The following CCDC7 variants were observed in gnomAD, a reference collection of about 807,000 sequenced individuals.
The protein encoded by CCDC7 is coiled-coil domain containing 7.
CCDC7 carries 183 observed loss-of-function variants against 196.9 expected under a neutral mutation model. The observed-to-expected ratio is 0.93, with a 90% CI of 0.82 to 1.05. The LOEUF is 1.05. Among genes scored for constraint, CCDC7 ranks in the 50% least tolerant of loss-of-function variants. The probability of loss-of-function intolerance (pLI) is 0.00; values close to 1 mark genes in which losing one functional copy is unlikely to be tolerated. For synonymous variants in CCDC7, 525 were observed against 484.6 expected (o/e 1.08, Z -1.10); for missense variants, 1,540 against 1,482.2 (o/e 1.04, Z -0.64).
chr10:32,871,694 G>A (rs186531090), intron 41 of CCDC7, among the ~76,000 whole-genome samples: 1 of 151,946 alleles, frequency 6.6e-6, no homozygotes. Context: ...TGTGATGTTA[G>A]GGTGTCCATT....
Position 32,644,673 on chromosome 10 carries a change from G to T in CCDC7, c.2014+9515G>T, listed in dbSNP as rs376142500. 6.6e-5 allele frequency among the ~76,000 whole-genome samples: 10 copies of T among 152,254 alleles called. No homozygotes were observed. In the East Asian group the frequency reaches 1.7e-3, roughly 26 times the overall value. On this transcript the variant is annotated intron_variant, in intron 20 of 41. Transcript: ENST00000639629. ...CGAGGGCGATTTCCCCCATACTGCT[G>T]CTAGTGAATAAGTCTCATGAGCTCT... is the stretch of plus-strand genomic sequence containing the variant.
rs2083800308 is a variant in CCDC7, at chr10:32,730,604, A to G, written c.2905+1147A>G. ...TTAATACCCATGTATATAAAAATTAACAGAACAGCTTTTATATGCACAAGT... is the reference window on the plus strand; with the variant it reads ...TTAATACCCATGTATATAAAAATTAGCAGAACAGCTTTTATATGCACAAGT... On this transcript the variant is annotated intron_variant, in intron 28 of 41. Transcript: ENST00000639629. 2.0e-5 allele frequency among the ~76,000 whole-genome samples: 3 copies of G among 152,118 alleles called. No homozygotes were observed. In the East Asian group the frequency reaches 5.8e-4, roughly 29 times the overall value.
intron 33 of CCDC7, among the ~76,000 whole-genome samples, chr10:32,841,267 A>G (rs2092953736): frequency 6.6e-6 from 1 of 152,164 alleles, no homozygotes; most frequent in Middle Eastern, 3.4e-3. Flanking sequence ...CTCATCCAAA[A>G]AGCTCCCAGA....
intron 28 of CCDC7, among the ~76,000 whole-genome samples, chr10:32,743,839 G>A (rs536476110): frequency 4.4e-4 from 67 of 152,008 alleles, no homozygotes; most frequent in African/African-American, 1.6e-3. Flanking sequence ...TCCTTTGTAG[G>A]GACATGGATG....
At chr10:32,666,217 A>G (rs2072673292) in intron 21 of CCDC7, among the ~76,000 whole-genome samples, 2 of 150,212 alleles carry the variant, frequency 1.3e-5, no homozygotes, top group African/African-American at 4.9e-5. Flanking sequence ...CCTTTGATTT[A>G]CACTGAGACC....
At chr10:32,668,903 A>G (rs1205814498) in intron 21 of CCDC7, among the ~76,000 whole-genome samples, 4 of 151,918 alleles carry the variant, frequency 2.6e-5, no homozygotes, top group Non-Finnish European at 1.5e-5. Flanking sequence ...TTCTTTCATA[A>G]TTTATTTGCC....
At position 32,535,752 on chromosome 10, in the gene CCDC7, T is replaced by A. The variant is rs976448178; in HGVS notation, c.994-7548T>A. ...GGACTCTCAGCTAATCTCTTCAAGG[T>A]TGGGAGGAAAGGGGAAAGATATTAC... On this transcript the variant is annotated intron_variant, in intron 11 of 41. Transcript: ENST00000639629. Among the ~76,000 whole-genome samples, 3 of 152,092 alleles carry A rather than the reference T, an allele frequency of 2.0e-5. No homozygotes were observed. In the South Asian group the frequency reaches 6.2e-4, roughly 31 times the overall value.
At chr10:32,729,132 A>G (rs929103824) in intron 27 of CCDC7, 135 bp downstream of exon 28, 57 of 822,010 alleles carry the variant, frequency 6.9e-5, no homozygotes, top group Middle Eastern at 7.5e-4. Flanking sequence ...TGAATACCCT[A>G]TGATAACTAG....
intron 13 of CCDC7, among the ~76,000 whole-genome samples, chr10:32,562,915 G>T (rs530754381): frequency 6.6e-6 from 1 of 152,274 alleles, no homozygotes; most frequent in African/African-American, 2.4e-5. Flanking sequence ...CATTGTCTTA[G>T]CCCAAAATCT....
chr10:32,562,536 A>G (rs1018344596), intron 13 of CCDC7, among the ~76,000 whole-genome samples: 62 of 152,352 alleles, frequency 4.1e-4, no homozygotes, highest in African/African-American at 1.2e-3. Context: ...TATAAACAGA[A>G]CCAAAGACAA....
In CCDC7 at chr10:32,726,841, A is replaced by G. The variant is rs374784316; in HGVS notation, c.2668+9A>G. The G allele has an allele frequency of 2.0e-6, 3 of 1,474,136 alleles. No individual in the cohort carries two copies. The highest frequency in any genetic ancestry group is 2.8e-5 in the African/African-American group (2 of 70,794). The allele number at this position is 1,474,136 out of a possible 1,614,324, so 91.3% of individuals were successfully genotyped here. ...AAGGGAAAGGCGTAATAGTAAGTGT[A>G]GTAATTATAGATGACTTTAAATTAT... On this transcript the variant is annotated intron_variant, in intron 26 of 41. Transcript: ENST00000639629.
At chr10:32,876,517 A>T (rs1026043070), downstream of CCDC7, 1 of 918,406 alleles carries the variant, frequency 1.1e-6, no homozygotes, top group Non-Finnish European at 1.7e-6. Flanking sequence ...TTATTGAAAA[A>T]CAGCTGGAAA....
intron 28 of CCDC7, among the ~76,000 whole-genome samples, chr10:32,743,571 G>T (rs2074158107): frequency 6.6e-6 from 1 of 152,114 alleles, no homozygotes; most frequent in South Asian, 2.1e-4. Context: ...CATTGTGGAA[G>T]ACAGTGTGGT....
At chr10:32,720,620 C>T (rs2082271772) in intron 25 of CCDC7, among the ~76,000 whole-genome samples, 1 of 152,006 alleles carries the variant, frequency 6.6e-6, no homozygotes, top group African/African-American at 2.4e-5. Flanking sequence ...ATAACGATTC[C>T]CCTAAGAACA....
chr10:32,529,243 A>G (rs186985792), intron 11 of CCDC7, among the ~76,000 whole-genome samples: 1 of 152,164 alleles, frequency 6.6e-6, no homozygotes, highest in Non-Finnish European at 1.5e-5. Context: ...GCTGGGCTTG[A>G]GCTCCTGACC....
chr10:32,816,195 C>T (rs151107543), intron 31 of CCDC7, among the ~76,000 whole-genome samples: 9,285 of 152,284 alleles, frequency 0.061, 878 homozygotes, highest in African/African-American at 0.2. Flanking sequence ...TTATATCCTG[C>T]GCATGGCTCG....
rs949575056 is a variant in CCDC7, at chr10:32,686,312, A to G, written c.2233+232A>G. On this transcript the variant is annotated intron_variant, in intron 22 of 41. Coordinates refer to ENST00000639629, the Ensembl canonical transcript of CCDC7. ...ATCATGTGCTCAGTATTCACCAAGG[A>G]CAATAGCAGGCCAATAATTGTCTTT... is the stretch of plus-strand genomic sequence containing the variant. Among the ~76,000 whole-genome samples, 11 of 152,334 alleles carry G rather than the reference A, an allele frequency of 7.2e-5. No individual in the cohort carries two copies. The East Asian group carries it at 2.1e-3, about 29-fold the overall frequency.
intron 9 of CCDC7, chr10:32,499,254 T>C (rs2043460667): frequency 6.6e-6 from 1 of 152,208 alleles, no homozygotes; most frequent in South Asian, 2.1e-4. Context: ...CAGATTTGCA[T>C]ATTTCTCCAT....
intron 13 of CCDC7, among the ~76,000 whole-genome samples, chr10:32,564,497 T>C (rs985356382): frequency 4.4e-4 from 67 of 152,232 alleles, no homozygotes; most frequent in African/African-American, 1.5e-3. Context: ...TCATGTCCTT[T>C]GTAGGGACAT....
Sources: gnomAD v4.1 joint callset for allele counts (sites outside exome capture counted in the v4.1 genomes callset) on GRCh38, gnomAD v4.1.1 for gene constraint, MANE v1.5 for transcripts, NCBI Gene and HGNC (gene_info 2026-07-23, HGNC 2026-07-21) for gene names.